The following SPTBN5 variants were observed in gnomAD, a reference collection of about 807,000 sequenced individuals.
The protein encoded by SPTBN5 is spectrin beta chain, non-erythrocytic 5.
Under a neutral mutation model 477.6 loss-of-function variants are expected in SPTBN5, and 513 were observed. The ratio of observed to expected loss-of-function variants is 1.07; its 90% CI spans 1.00 to 1.16. SPTBN5 has a LOEUF of 1.16. SPTBN5 is among the 50% of genes most tolerant of loss of function. SPTBN5 has a pLI of 0.00. For synonymous variants in SPTBN5, 2,169 were observed against 2,011.7 expected, an observed-to-expected ratio of 1.08 and a Z score of -2.09; for missense variants, 5,062 against 4,731.8, an observed-to-expected ratio of 1.07 and a Z score of -2.05.
chr15:41,850,249 C>A, intron 66 of SPTBN5: 1 of 420,042 alleles, frequency 2.4e-6, no homozygotes, highest in Non-Finnish European at 4.4e-6. Context: ...TCCCTTTGGG[C>A]TCCTGGGAAG....
At position 41,865,848 on chromosome 15, in the gene SPTBN5, A is replaced by ACTCC. The variant is rs1248600124; in HGVS notation, c.6877_6878insGGAG (p.Leu2293ArgfsTer20). On this transcript the variant is annotated frameshift_variant, in exon 39 of 68. Coordinates refer to ENST00000320955, the MANE Select transcript of SPTBN5 (RefSeq NM_016642.4). LOFTEE classifies it high-confidence loss of function. Reference sequence around the variant, plus strand: ...TCGGAACTCGCGGAGCCGCCGTCGGAGCTGCAGGCAGTGCTCCAGGTCCTG... The same window carrying ACTCC: ...TCGGAACTCGCGGAGCCGCCGTCGGACTCCGCTGCAGGCAGTGCTCCAGGTCCTG... The ACTCC allele has an allele frequency of 5.1e-6, 8 of 1,580,780 alleles. No homozygotes were observed. The highest frequency in any genetic ancestry group is 1.8e-5 in the Admixed American group (1 of 55,770).
At chr15:41,890,228 T>A in intron 3 of SPTBN5, 23 bp from the exon 4 acceptor site, 1 of 1,563,558 alleles carries the variant, frequency 6.4e-7, no homozygotes, top group Non-Finnish European at 8.8e-7. Context: ...TTGGATGGGC[T>A]AAGCCATGAA....
Position 41,874,313 on chromosome 15 carries a change from C to T in SPTBN5, c.4668G>A (p.Gln1556=), listed in dbSNP as rs781172148. ...TSYTECLNGA[Q]SLHRKHKELQ... ...TTACCTTGTGCTTGCGGTGAAGGCT[C>T]TGGGCACCATTCAAGCACTCGGTAT... The change falls in exon 24 of 68, where the codon CAG becomes CAA. Residue 1556 remains glutamine (Q), a synonymous_variant. Coordinates refer to ENST00000320955, the MANE Select transcript of SPTBN5 (RefSeq NM_016642.4). 1 of 1,613,104 alleles carries T rather than the reference C, an allele frequency of 6.2e-7. No individual in the cohort carries two copies. The highest frequency in any genetic ancestry group is 1.1e-5 in the South Asian group (1 of 91,002).
rs796850449 is a variant in SPTBN5 at position 41,848,155 on chromosome 15, G to A, written c.*461C>T. 3.3e-5 allele frequency: 18 copies of A among 548,156 alleles called. No homozygotes were observed. The highest frequency in any genetic ancestry group is 3.2e-4 in the African/African-American group (17 of 52,976). The allele number at this position is 548,156 out of a possible 1,614,324, so 34.0% of individuals were successfully genotyped here. On this transcript the variant is annotated 3_prime_UTR_variant, in exon 68 of 68. Transcript: ENST00000320955. The stretch of plus-strand genomic sequence containing the variant: ...CAGACTCATACAAATGTGAGGCGCT[G>A]AGACCATCTGTTATTACTGCTGAGA...
In SPTBN5 at chr15:41,856,580, T is replaced by C. The variant is rs759459490; in HGVS notation, c.8827A>G (p.Ser2943Gly). 1 of 1,590,966 alleles carries C rather than the reference T, an allele frequency of 6.3e-7. No homozygotes were observed. The highest frequency in any genetic ancestry group is 1.1e-5 in the South Asian group (1 of 88,326). The change falls in exon 53 of 68, where the codon AGC (serine) becomes GGC (glycine). Residue 2943 changes from serine to glycine, a missense_variant. Physicochemically the swap from Ser to Gly is moderately conservative, Grantham distance 56 (BLOSUM62 0). Transcript: ENST00000320955. Reference protein sequence around the residue: ...EQHQNLESEMSSHEALTRVVL... With the variant: ...EQHQNLESEMGSHEALTRVVL... ...ACCCGGGTCAGAGCCTCGTGGCTGC[T>C]CATCTCACTCTCCAGGTTCTGCGGG...
chr15:41,886,022 G>C lies in SPTBN5; in HGVS notation c.1233C>G (p.Ser411Arg). Reference protein sequence around the residue: ...AGLEWAEAARSQALQQRLLQL... With the variant: ...AGLEWAEAARRQALQQRLLQL... ...GCAGTAGCCTCTGCTGCAGGGCCTG[G>C]CTCCTTGCAGCCTCTGCCCACTCCA... is the stretch of plus-strand genomic sequence containing the variant. The change falls in exon 7 of 68, where the codon AGC (serine) becomes AGG (arginine). Residue 411 changes from serine (S) to arginine (R), a missense_variant. Transcript: ENST00000320955. 1 of 1,557,444 alleles carries C rather than the reference G, an allele frequency of 6.4e-7. No individual in the cohort carries two copies. Among genetic ancestry groups the C allele is most frequent in the Non-Finnish European group, 8.7e-7 (1 of 1,151,158 alleles).
In SPTBN5 at chr15:41,876,642, C is replaced by T. The variant is rs761350152; in HGVS notation, c.3857G>A (p.Arg1286Lys). Residue 1286 changes from arginine to lysine, a missense_variant, in exon 20 of 68, where the codon AGA becomes AAA. Transcript: ENST00000320955. ...QSQHPAAHTV[R>K]EQLQSIQAQW... ...TGCCTGGATACTCTGCAGCTGCTCT[C>T]TGACCCTGGAGGGCGGGGGGGGGTT... 3 of 1,558,456 alleles carry T rather than the reference C, an allele frequency of 1.9e-6. No individual in the cohort carries two copies. The highest frequency in any genetic ancestry group is 4.6e-5 in the East Asian group (2 of 43,500).
Position 41,854,974 on chromosome 15 carries a change from C to A in SPTBN5, c.9426G>T (p.Val3142=). Residue 3142 remains valine (V), a splice_region_variant and synonymous_variant, in exon 56 of 68, where the codon GTG becomes GTT. Transcript: ENST00000320955. ...TGAAAGCATCAAACTTCTCTTCCAGCACCTGCAAAGGTATGAGGCCCAGCA... is the reference window on the plus strand; with the variant it reads ...TGAAAGCATCAAACTTCTCTTCCAGAACCTGCAAAGGTATGAGGCCCAGCA... ...DYGQDLEGVK[V]LEEKFDAFRK... 5 of 1,539,988 alleles carry A rather than the reference C, an allele frequency of 3.2e-6. No individual in the cohort carries two copies. The highest frequency in any genetic ancestry group is 2.6e-6 in the Non-Finnish European group (3 of 1,143,114).
intron 66 of SPTBN5, chr15:41,850,218 G>A (rs543679563): frequency 8.2e-6 from 4 of 489,706 alleles, no homozygotes; most frequent in East Asian, 7.1e-5. Context: ...GGGAAATTCT[G>A]GAATGTCGAA....
intron 20 of SPTBN5, 35 bp downstream of exon 20, chr15:41,876,513 G>T: frequency 6.5e-7 from 1 of 1,539,640 alleles, no homozygotes; most frequent in South Asian, 1.2e-5. Context: ...TTTCTTTTCA[G>T]GGAGGCGTCA....
In SPTBN5 at chr15:41,886,061, C is replaced by T; in HGVS notation, c.1194G>A (p.Gln398=). The change falls in exon 7 of 68, where the codon CAG becomes CAA. Residue 398 remains glutamine (Q), a synonymous_variant. Coordinates refer to ENST00000320955, the MANE Select transcript of SPTBN5 (RefSeq NM_016642.4). ...CTGCCCACTCCAGCCCTGCCCAGCA[C>T]TGGGACAGCTCTGCAAGGCCCAGGC... The part of the protein sequence containing the change: ...HEGLGLAELS[Q]CWAGLEWAEA... 1 of 1,591,866 alleles carries T rather than the reference C, an allele frequency of 6.3e-7. No individual in the cohort carries two copies. The highest frequency in any genetic ancestry group is 8.6e-7 in the Non-Finnish European group (1 of 1,167,928).
At chr15:41,864,078 T>G in intron 39 of SPTBN5, 54 bp from the exon 40 acceptor site, 1 of 1,466,180 alleles carries the variant, frequency 6.8e-7, no homozygotes, top group South Asian at 1.2e-5. Flanking sequence ...GAGCCCCTTC[T>G]TCCCACCTCA....
At chr15:41,879,982 C>T (rs1161135292) in intron 14 of SPTBN5, 118 bp from the exon 15 acceptor site, 4 of 1,460,354 alleles carry the variant, frequency 2.7e-6, no homozygotes, top group Non-Finnish European at 3.7e-6. Context: ...GCTGCCTGCC[C>T]CTGGAAAGAC....
At chr15:41,853,835 T>C (rs1249133200) in intron 57 of SPTBN5, 48 bp from the exon 58 acceptor site, 2 of 1,494,214 alleles carry the variant, frequency 1.3e-6, no homozygotes, top group Admixed American at 2.1e-5. Flanking sequence ...ACTGAGCCGA[T>C]GCGTGCTCTG....
chr15:41,886,216 C>T lies in SPTBN5; in HGVS notation c.1039G>A (p.Ala347Thr). The change falls in exon 7 of 68, where the codon GCA becomes ACA. Residue 347 changes from alanine (A) to threonine (T), a missense_variant. Ala to Thr is a moderately conservative substitution (Grantham distance 58, BLOSUM62 0). Transcript: ENST00000320955. ...TCCTGGGTGCGGAAGATGGTGAATG[C>T]TGCCAGTAGCTGCCGCATGGCGGGC... Reference protein sequence around the residue: ...SLPAMRQLLAAFTIFRTQEKP... With the variant: ...SLPAMRQLLATFTIFRTQEKP... 1.9e-6 allele frequency: 3 copies of T among 1,613,064 alleles called. No homozygotes were observed. Among genetic ancestry groups the T allele is most frequent in the African/African-American group, 2.7e-5 (2 of 75,082 alleles).
In SPTBN5 at chr15:41,878,523, G is replaced by A. The variant is rs374190044; in HGVS notation, c.3289C>T (p.Arg1097Cys). The A allele has an allele frequency of 3.0e-5, 48 of 1,612,958 alleles. No individual in the cohort carries two copies. Among genetic ancestry groups the A allele is most frequent in the South Asian group, 8.8e-5 (8 of 90,972 alleles). ...TGCCGGGCCTGAGTCTCAGCCTGGC[G>A]CCGGGCCCGTTGGGCCACTTGTTCC... The part of the protein sequence containing the change: ...VQEQVAQRAR[R>C]QAETQARQSF... The change falls in exon 17 of 68, where the codon CGC becomes TGC. Residue 1097 changes from arginine (R) to cysteine (C), a missense_variant. Coordinates refer to ENST00000320955, the MANE Select transcript of SPTBN5 (RefSeq NM_016642.4).
In SPTBN5 at chr15:41,851,839, A is replaced by G. The variant is rs1595438516; in HGVS notation, c.10596T>C (p.Gly3532=). Residue 3532 remains glycine (G), a synonymous_variant, in exon 63 of 68, where the codon GGT becomes GGC. Transcript: ENST00000320955. ...CCAAAGACCCCTCCATGGTGGGGGT[A>G]CCCTTTGCATCCTGAAAATGCAAGA... is the stretch of plus-strand genomic sequence containing the variant. ...AETRDPQDAK[G]TPTMEGSLEF... 6.2e-7 allele frequency: 1 copy of G among 1,609,634 alleles called. No individual in the cohort carries two copies. Among genetic ancestry groups the G allele is most frequent in the Non-Finnish European group, 8.5e-7 (1 of 1,178,786 alleles).
rs368619531 is a variant in SPTBN5 at position 41,855,247 on chromosome 15, C to T, written c.9400G>A (p.Gly3134Arg). ...ACCTTGACACCCTCCAGGTCCTGCC[C>T]GTAGTCCTGGGACTCGGCGGTGGCC... ...KAATAESQDY[G>R]QDLEGVKVLE... The change falls in exon 55 of 68, where the codon GGG becomes AGG. Residue 3134 changes from glycine to arginine, a missense_variant. Physicochemically the swap from Gly to Arg is moderately radical, Grantham distance 125 (BLOSUM62 -2). Transcript: ENST00000320955. 96 of 1,612,272 alleles carry T rather than the reference C, an allele frequency of 6.0e-5. No individual in the cohort carries two copies. Among genetic ancestry groups the T allele is most frequent in the Middle Eastern group, 3.3e-4 (2 of 6,058 alleles).
intron 11 of SPTBN5, 37 bp downstream of exon 11, chr15:41,882,232 G>GGCCCCCCCCCCCCCCCCC: frequency 8.0e-7 from 1 of 1,254,132 alleles, no homozygotes; most frequent in Non-Finnish European, 1.1e-6. Flanking sequence ...GCCTCGCCGG[G>GGCCCCCCCCCCCCCCCCC]CCCCGCCCCC....
Sources: allele counts gnomAD v4.1 joint callset, GRCh38; gene constraint gnomAD v4.1.1; transcripts MANE v1.5; gene names NCBI Gene and HGNC (gene_info 2026-07-23, HGNC 2026-07-21).